MAPK8IP3: variants seen among roughly 807,000 people sequenced by gnomAD.
MAPK8IP3 encodes C-Jun-amino-terminal kinase-interacting protein 3.
Under a neutral mutation model 157.8 loss-of-function variants are expected in MAPK8IP3, and 49 were observed. That is an observed-to-expected ratio of 0.31 (90% CI 0.25 to 0.39). The LOEUF is 0.39. Among genes scored for constraint, MAPK8IP3 ranks in the 10% least tolerant of loss-of-function variants. MAPK8IP3 has a pLI of 1.00. For missense variants in MAPK8IP3, 1,478 were observed against 1,889.4 expected, an observed-to-expected ratio of 0.78 and a Z score of 4.04; for synonymous variants, 897 against 777.7, an observed-to-expected ratio of 1.15 and a Z score of -2.55.
intron 8 of MAPK8IP3, among the ~76,000 whole-genome samples, chr16:1,752,750 T>TA (rs79566771): frequency 0.013 from 1,686 of 134,438 alleles, 22 homozygotes; most frequent in Middle Eastern, 0.027. Flanking sequence ...CCCTGTCTCT[T>TA]AAAAAAAAAA....
chr16:1,731,720 G>A (rs1425647826), intron 4 of MAPK8IP3, among the ~76,000 whole-genome samples: 1 of 152,182 alleles, frequency 6.6e-6, no homozygotes, highest in East Asian at 1.9e-4. Context: ...TTTCGTTTTT[G>A]TAAAATAAAG....
At chr16:1,732,411 T>C (rs995484879) in intron 4 of MAPK8IP3, among the ~76,000 whole-genome samples, 9 of 152,236 alleles carry the variant, frequency 5.9e-5, no homozygotes, top group African/African-American at 2.2e-4. Context: ...CTGGGCTTCA[T>C]GGGTCACGTT....
intron 5 of MAPK8IP3, chr16:1,746,516 G>A (rs1018507504): frequency 1.2e-5 from 2 of 160,792 alleles, no homozygotes; most frequent in African/African-American, 4.8e-5. Context: ...GTCACTCCCT[G>A]GCCCTGACCT....
In MAPK8IP3 at chr16:1,769,834, T is replaced by C. The variant is rs12448520; in HGVS notation, c.*1010T>C. On this transcript the variant is annotated 3_prime_UTR_variant, in exon 32 of 32. Transcript: ENST00000610761. ...CTAGGGTTGCCCGCTGTGGCCTGCT[T>C]CCAGGGAGCAACAGAGAGGCCACCA... 0.92 allele frequency: 140,656 copies of C among 152,330 alleles called. 65,001 individuals are homozygous for C. Among genetic ancestry groups the C allele is most frequent in the Admixed American group, 0.96 (14,736 of 15,310 alleles). The allele number at this position is 152,330 out of a possible 1,614,324, so 9.4% of individuals were successfully genotyped here. A position where few individuals can be genotyped will look rare whatever the true frequency, so the allele number is the denominator to read the frequency against.
Position 1,767,725 on chromosome 16 carries a change from C to G in MAPK8IP3, c.3399C>G (p.Ser1133Arg). 1 of 1,612,668 alleles carries G rather than the reference C, an allele frequency of 6.2e-7. No homozygotes were observed. Among genetic ancestry groups the G allele is most frequent in the Non-Finnish European group, 8.5e-7 (1 of 1,179,906 alleles). The change falls in exon 27 of 32, where the codon AGC becomes AGG. Residue 1133 changes from serine (S) to arginine (R), a missense_variant. By Grantham distance (110) the Ser-to-Arg change is moderately radical. Around this residue, in one of 11 missense-constraint regions of MAPK8IP3, gnomAD observed 68 missense variants for 125.1 expected, o/e 0.54. Transcript: ENST00000610761. ...LQDVDIEPYVSKMLGTGKLGF... is the reference protein window; with the variant it reads ...LQDVDIEPYVRKMLGTGKLGF... The stretch of plus-strand genomic sequence containing the variant: ...ACGTGGACATTGAGCCCTACGTCAG[C>G]AAGATGCTAGGTGAGGGGCCACGCC...
chr16:1,718,014 G>C (rs1373613179), intron 1 of MAPK8IP3, among the ~76,000 whole-genome samples: 2 of 151,634 alleles, frequency 1.3e-5, no homozygotes, highest in African/African-American at 4.9e-5. Context: ...ACCACACCCG[G>C]CTAATCTTTT....
intron 4 of MAPK8IP3, among the ~76,000 whole-genome samples, chr16:1,740,356 G>A (rs1358514194): frequency 1.3e-5 from 2 of 150,390 alleles, no homozygotes; most frequent in African/African-American, 4.9e-5. Flanking sequence ...CCGTGTGAGC[G>A]TGCAACCGTC....
intron 4 of MAPK8IP3, among the ~76,000 whole-genome samples, chr16:1,737,400 CTG>C (rs1293214618): frequency 1.2e-5 from 1 of 82,826 alleles, no homozygotes; most frequent in South Asian, 6.6e-4. Context: ...ATGTGAGCAT[CTG>C]TGTGACCGTC....
chr16:1,768,804 G>C lies in MAPK8IP3; in HGVS notation c.3994G>C (p.Val1332Leu), dbSNP rs758713231. 1.2e-6 allele frequency: 2 copies of C among 1,612,502 alleles called. No homozygotes were observed. The highest frequency in any genetic ancestry group is 4.5e-5 in the East Asian group (2 of 44,858). The change falls in exon 32 of 32, where the codon GTG becomes CTG. Residue 1332 changes from valine to leucine, a missense_variant. By Grantham distance (32) the Val-to-Leu change is conservative. Around this residue, in one of 11 missense-constraint regions of MAPK8IP3, gnomAD observed 133 missense variants for 133.4 expected, o/e 1.00. Transcript: ENST00000610761. ...GCGCAGTCACATCATCGTGTGGCAG[G>C]TGTCCTACACCCCCGAGTGAAGCTG... ...AERSHIIVWQ[V>L]SYTPE is the part of the protein sequence containing the mutation.
At chr16:1,725,664 G>A (rs2038832241) in intron 2 of MAPK8IP3, among the ~76,000 whole-genome samples, 1 of 151,982 alleles carries the variant, frequency 6.6e-6, no homozygotes, top group South Asian at 2.1e-4. Context: ...AAGAAGTGAT[G>A]ATTTCCTGTG....
intron 8 of MAPK8IP3, 66 bp downstream of exon 8, chr16:1,748,786 T>G (rs772716451): frequency 7.1e-7 from 1 of 1,409,804 alleles, no homozygotes; most frequent in South Asian, 1.2e-5. Context: ...CTGTTGGTTT[T>G]GTTTGTAATG....
chr16:1,727,112 TGTGA>T (rs761186188), intron 2 of MAPK8IP3, among the ~76,000 whole-genome samples: 9 of 151,392 alleles, frequency 5.9e-5, no homozygotes, highest in Non-Finnish European at 1.3e-4. Context: ...GGAGCGTCTG[TGTGA>T]GTGTCATGTG....
intron 3 of MAPK8IP3, 59 bp downstream of exon 3, chr16:1,729,267 C>G: frequency 6.4e-7 from 1 of 1,566,768 alleles, no homozygotes; most frequent in South Asian, 1.1e-5. Context: ...CGGCCTGACG[C>G]CTGCGACTCT....
chr16:1,753,066 G>A (rs1040842199), intron 8 of MAPK8IP3, among the ~76,000 whole-genome samples: 1 of 152,168 alleles, frequency 6.6e-6, no homozygotes, highest in African/African-American at 2.4e-5. Flanking sequence ...TCAGAAACAC[G>A]TCAGCTTTGC....
At chr16:1,758,852 A>C (rs1053806670) in intron 9 of MAPK8IP3, 126 bp from the exon 10 acceptor site, 2 of 965,052 alleles carry the variant, frequency 2.1e-6, no homozygotes, top group African/African-American at 1.6e-5. Flanking sequence ...CTAACCCAGC[A>C]GACCCAGCTC....
rs1461822353 is a variant in MAPK8IP3 at position 1,748,483 on chromosome 16, T to C, written c.1098-119T>C. 3.5e-6 allele frequency: 4 copies of C among 1,137,808 alleles called. No homozygotes were observed. In the East Asian group the frequency reaches 7.5e-5, roughly 21 times the overall value. 70.5% of individuals were successfully genotyped at this position (1,137,808 alleles called of 1,614,324 possible). A position where few individuals can be genotyped will look rare whatever the true frequency, so the allele number is the denominator to read the frequency against. On this transcript the variant is annotated intron_variant, in intron 7 of 31. Transcript: ENST00000610761. ...CTACCGCCTCCATCCACGACCGGCC[T>C]GCAGGGCAGTGTGGGCATTGAATGG...
chr16:1,706,226 GGCGACAGCAGCTGCGGGAGGCGACGGGCT>G lies in MAPK8IP3; in HGVS notation c.-110_-82del. The G allele has an allele frequency of 1.0e-6, 1 of 973,480 alleles. No homozygotes were observed. The highest frequency in any genetic ancestry group is 1.4e-6 in the Non-Finnish European group (1 of 718,506). The allele number at this position is 973,480 out of a possible 1,614,324, so 60.3% of individuals were successfully genotyped here. A position where few individuals can be genotyped will look rare whatever the true frequency, so the allele number is the denominator to read the frequency against. On this transcript the variant is annotated 5_prime_UTR_variant, in exon 1 of 32. Coordinates refer to ENST00000610761, the MANE Select transcript of MAPK8IP3 (RefSeq NM_001318852.2). This position sits in a 1 kb window ranked among gnomAD's most constrained non-coding sequence, Gnocchi z 5.1. ...GGCAGCGGCGGCGGCGGAGCCCTGA[GGCGACAGCAGCTGCGGGAGGCGACGGGCT>G]GCGGCCTGCGGAACCTGAGGCAGCT... is the stretch of plus-strand genomic sequence containing the variant.
At chr16:1,765,669 G>C (rs2042215235) in intron 20 of MAPK8IP3, among the ~76,000 whole-genome samples, 1 of 152,206 alleles carries the variant, frequency 6.6e-6, no homozygotes, top group African/African-American at 2.4e-5. Context: ...AGGGCCGTCT[G>C]GGGTCCTGAG....
At chr16:1,736,399 C>CGT (rs540023583) in intron 4 of MAPK8IP3, among the ~76,000 whole-genome samples, 1 of 46,854 alleles carries the variant, frequency 2.1e-5, no homozygotes. Context: ...CGTGACCGTC[C>CGT]GTGTGTGACC....
Sources: gnomAD v4.1 joint callset for allele counts (sites outside exome capture counted in the v4.1 genomes callset) on GRCh38, gnomAD v4.1.1 for gene constraint, gnomAD v4.1.1 regional missense constraint, Gnocchi (gnomAD v3.1) non-coding constraint, MANE v1.5 for transcripts, NCBI Gene and HGNC (gene_info 2026-07-23, HGNC 2026-07-21) for gene names.